Variants in GRID2 observed in about 807,000 individuals in gnomAD.
GRID2 encodes the protein glutamate ionotropic receptor delta type subunit 2, also known as glutamate receptor ionotropic, delta-2.
In GRID2, 33 loss-of-function variants were observed where a neutral mutation model predicts 114.8. That is an observed-to-expected ratio of 0.29 (90% CI 0.22 to 0.38). The LOEUF (loss-of-function observed/expected upper bound fraction) is 0.38, where lower values mean the gene tolerates loss of function less well. Ranked by LOEUF, GRID2 falls within the 10% of genes least tolerant of loss-of-function variation. GRID2 has a pLI of 1.00. For missense variants in GRID2, 1,184 were observed against 1,257.7 expected (o/e 0.94, Z 0.89); for synonymous variants, 505 against 449.9 (o/e 1.12, Z -1.55).
intron 1 of GRID2, among the ~76,000 whole-genome samples, chr4:92,379,832 G>A (rs1197415650): frequency 6.6e-6 from 1 of 151,912 alleles, no homozygotes; most frequent in Admixed American, 6.6e-5. Flanking sequence ...CTTACAGATA[G>A]CTAATAAAGT....
intron 2 of GRID2, among the ~76,000 whole-genome samples, chr4:92,886,064 CTTGCAA>C (rs1460037461): frequency 6.6e-6 from 1 of 151,960 alleles, no homozygotes; most frequent in Non-Finnish European, 1.5e-5. Flanking sequence ...TAAATGTGGA[CTTGCAA>C]TTGCAATTAC....
At position 93,596,350 on chromosome 4, in the gene GRID2, A is replaced by C. The variant is rs1211493644; in HGVS notation, c.2194-29919A>C. Among the ~76,000 whole-genome samples the C allele has an allele frequency of 3.3e-5, 5 of 152,204 alleles. No individual in the cohort carries two copies. The East Asian group carries it at 9.7e-4, about 30-fold the overall frequency. ...GTCCCAGCACTTTGGGAGGCCGAGG[A>C]GGGCGATCACGAGGTCAGAAGATCA... is the stretch of plus-strand genomic sequence containing the variant. On this transcript the variant is annotated intron_variant, in intron 13 of 15. Transcript: ENST00000282020.
intron 2 of GRID2, among the ~76,000 whole-genome samples, chr4:92,654,837 C>A (rs568345294): frequency 6.6e-6 from 1 of 151,976 alleles, no homozygotes; most frequent in Admixed American, 6.6e-5. Flanking sequence ...GTATTTTCTC[C>A]CATTGAAGAT....
intron 4 of GRID2, among the ~76,000 whole-genome samples, chr4:93,181,660 G>C (rs2149436178): frequency 6.6e-6 from 1 of 152,192 alleles, no homozygotes; most frequent in African/African-American, 2.4e-5. Flanking sequence ...ACTTCACCTT[G>C]CACTTTTATG....
intron 2 of GRID2, among the ~76,000 whole-genome samples, chr4:92,905,467 G>T (rs889378441): frequency 6.6e-6 from 1 of 151,702 alleles, no homozygotes; most frequent in East Asian, 1.9e-4. Flanking sequence ...AAATGCATAG[G>T]AGATCTGTAA....
At chr4:92,511,013 ACCATAAGATTTATTGTCT>A (rs2149131555) in intron 1 of GRID2, among the ~76,000 whole-genome samples, 1 of 152,026 alleles carries the variant, frequency 6.6e-6, no homozygotes, top group African/African-American at 2.4e-5. Context: ...AGTTTGGCTT[ACCATAAGATTTATTGTCT>A]GTTTTAGTCC....
At chr4:93,367,736 A>T (rs533196749) in intron 8 of GRID2, among the ~76,000 whole-genome samples, 1 of 152,300 alleles carries the variant, frequency 6.6e-6, no homozygotes, top group African/African-American at 2.4e-5. Context: ...GTTGGCTTGA[A>T]AAACACTGTT....
chr4:93,158,494 G>A (rs993611861), intron 4 of GRID2, among the ~76,000 whole-genome samples: 1 of 151,648 alleles, frequency 6.6e-6, no homozygotes, highest in Non-Finnish European at 1.5e-5. Flanking sequence ...TACATATGTG[G>A]TTTTTTAAAA....
downstream of GRID2, among the ~76,000 whole-genome samples, chr4:93,775,187 T>C (rs1443380539): frequency 4.0e-5 from 6 of 151,354 alleles, no homozygotes; most frequent in African/African-American, 1.5e-4. Flanking sequence ...TAAAGTTCCA[T>C]CCAAAATAAT....
chr4:93,164,130 G>A (rs975315446), intron 4 of GRID2, among the ~76,000 whole-genome samples: 1 of 151,776 alleles, frequency 6.6e-6, no homozygotes, highest in Non-Finnish European at 1.5e-5. Flanking sequence ...TGAGAGATGT[G>A]TGACAGGCGA....
chr4:92,542,663 A>G (rs911866664), intron 1 of GRID2, among the ~76,000 whole-genome samples: 6 of 152,008 alleles, frequency 3.9e-5, no homozygotes, highest in African/African-American at 9.7e-5. Context: ...ATAAAAGGCT[A>G]CACATTGGGT....
intron 13 of GRID2, among the ~76,000 whole-genome samples, chr4:93,516,276 TC>T (rs1729722863): frequency 6.6e-6 from 1 of 152,148 alleles, no homozygotes; most frequent in South Asian, 2.1e-4. Flanking sequence ...ACTAATGTCA[TC>T]CTAGAGGATA....
intron 1 of GRID2, among the ~76,000 whole-genome samples, chr4:92,505,057 T>C (rs1723887140): frequency 1.3e-5 from 2 of 152,006 alleles, no homozygotes; most frequent in South Asian, 4.1e-4. Flanking sequence ...GGTGCGAAGA[T>C]GGCATCAAGT....
intron 2 of GRID2, among the ~76,000 whole-genome samples, chr4:92,706,374 T>G (rs776103069): frequency 9.9e-5 from 15 of 152,202 alleles, no homozygotes; most frequent in Non-Finnish European, 1.5e-5. Context: ...TAAATACTGA[T>G]GTTTGTTATT....
intron 4 of GRID2, among the ~76,000 whole-genome samples, chr4:93,182,702 A>T (rs575252998): frequency 6.6e-6 from 1 of 152,352 alleles, no homozygotes; most frequent in African/African-American, 2.4e-5. Context: ...AAACTTCAAG[A>T]TTCTACACCC....
chr4:93,357,060 A>G (rs562934791), intron 8 of GRID2, among the ~76,000 whole-genome samples: 4 of 151,392 alleles, frequency 2.6e-5, no homozygotes, highest in African/African-American at 7.2e-5. Flanking sequence ...TTATGTTTTT[A>G]TAGCTAGGAT....
chr4:93,291,303 G>T (rs1753736456), intron 8 of GRID2, among the ~76,000 whole-genome samples: 1 of 152,242 alleles, frequency 6.6e-6, no homozygotes, highest in Non-Finnish European at 1.5e-5. Flanking sequence ...ATAGGCTTTA[G>T]GGTCAAGGGA....
At chr4:92,944,976 G>T (rs981743607) in intron 2 of GRID2, among the ~76,000 whole-genome samples, 3 of 151,978 alleles carry the variant, frequency 2.0e-5, no homozygotes, top group Admixed American at 2.0e-4. Flanking sequence ...CTGTTTTCAT[G>T]GATTATATGA....
At chr4:93,424,601 A>G (rs976356152) in intron 10 of GRID2, among the ~76,000 whole-genome samples, 4 of 152,100 alleles carry the variant, frequency 2.6e-5, no homozygotes, top group African/African-American at 9.7e-5. Flanking sequence ...GTTAGTGGCC[A>G]TTCTACAAGT....
Sources: allele counts gnomAD v4.1 joint callset (sites outside exome capture counted in the v4.1 genomes callset), GRCh38; gene constraint gnomAD v4.1.1; transcripts MANE v1.5; gene names NCBI Gene and HGNC (gene_info 2026-07-23, HGNC 2026-07-21).